The following NCKAP5 variants were observed in gnomAD, a reference collection of about 807,000 sequenced individuals.
The protein encoded by NCKAP5 is NCK associated protein 5, also known as nck-associated protein 5.
NCKAP5 carries 92 observed loss-of-function variants against 167.0 expected under a neutral mutation model. That is an observed-to-expected ratio of 0.55 (90% confidence interval 0.47 to 0.66). NCKAP5 has a LOEUF of 0.66. Ranked by LOEUF, NCKAP5 falls within the 30% of genes least tolerant of loss-of-function variation. The pLI is 0.00. For missense variants in NCKAP5, 2,378 were observed against 2,315.0 expected (o/e 1.03, Z -0.56); for synonymous variants, 891 against 877.4 (o/e 1.02, Z -0.27).
intron 6 of NCKAP5, among the ~76,000 whole-genome samples, chr2:133,020,688 C>T (rs2078495227): frequency 6.6e-6 from 1 of 152,164 alleles, no homozygotes. Context: ...AGAACTTGTT[C>T]AAAATAAATA....
chr2:132,790,212 A>G lies in NCKAP5; in HGVS notation c.910-7T>C. On this transcript the variant is annotated splice_region_variant and splice_polypyrimidine_tract_variant and intron_variant, in intron 12 of 19. Transcript: ENST00000409261. ...TTGTATTTAGTTGGTGTTCCTGAAA[A>G]AGCAGGACAGCTCTGAGCAAGGGCT... The G allele has an allele frequency of 6.2e-7, 1 of 1,608,878 alleles. No individual in the cohort carries two copies. The highest frequency in any genetic ancestry group is 8.5e-7 in the Non-Finnish European group (1 of 1,177,546).
chr2:133,074,651 C>A (rs2080536353), intron 6 of NCKAP5, among the ~76,000 whole-genome samples: 1 of 152,144 alleles, frequency 6.6e-6, no homozygotes, highest in Admixed American at 6.5e-5. Flanking sequence ...TGTGAGCCAC[C>A]ATGCCTGACC....
intron 6 of NCKAP5, among the ~76,000 whole-genome samples, chr2:133,012,617 A>G (rs567965046): frequency 6.6e-6 from 1 of 152,154 alleles, no homozygotes; most frequent in Admixed American, 6.5e-5. Context: ...ATGTGCCTGC[A>G]CTGGCCACCC....
Position 133,471,152 on chromosome 2 carries a change from G to C in NCKAP5, c.69+46306C>G, listed in dbSNP as rs566618974. ...TAAAAACAGTTCAGCTCAATTGTCA[G>C]CTCTTTAATTTTTTTTTCAAAGGTT... On this transcript the variant is annotated intron_variant, in intron 3 of 19. Coordinates refer to ENST00000409261, the MANE Select transcript of NCKAP5 (RefSeq NM_207363.3). 7.2e-5 allele frequency among the ~76,000 whole-genome samples: 11 copies of C among 152,224 alleles called. No individual in the cohort carries two copies. The South Asian group carries it at 1.9e-3, about 26-fold the overall frequency.
At chr2:133,595,860 T>C in the NCKAP5 span, among the ~76,000 whole-genome samples, 2 of 152,184 alleles carry the variant, frequency 1.3e-5, no homozygotes, top group Non-Finnish European at 2.9e-5. Context: ...GAGTTGTACA[T>C]AATTTTCATG....
chr2:133,121,870 T>C (rs1227172323), intron 6 of NCKAP5: 2 of 152,230 alleles, frequency 1.3e-5, no homozygotes, highest in East Asian at 1.9e-4. Context: ...AATAGTAGTA[T>C]ATCTACATAA....
intron 8 of NCKAP5, among the ~76,000 whole-genome samples, chr2:132,920,797 A>G (rs181148323): frequency 0.035 from 3,608 of 102,220 alleles, 666 homozygotes; most frequent in East Asian, 0.23. Flanking sequence ...ATATATATAT[A>G]TATATATATA....
At chr2:132,746,600 A>T (rs779057541) in intron 16 of NCKAP5, among the ~76,000 whole-genome samples, 7 of 152,160 alleles carry the variant, frequency 4.6e-5, no homozygotes, top group Non-Finnish European at 1.0e-4. Flanking sequence ...CGCAAGCAAC[A>T]TATACCCATC....
intron 6 of NCKAP5, among the ~76,000 whole-genome samples, chr2:133,006,479 G>C (rs2077971351): frequency 1.3e-5 from 2 of 152,152 alleles, no homozygotes; most frequent in Non-Finnish European, 2.9e-5. Context: ...CATGCTGTCT[G>C]TCATGTTTCA....
At chr2:132,992,551 T>C (rs1269587894) in intron 7 of NCKAP5, among the ~76,000 whole-genome samples, 2 of 152,314 alleles carry the variant, frequency 1.3e-5, no homozygotes, top group African/African-American at 4.8e-5. Flanking sequence ...ACTTCACAGA[T>C]TCATATGACC....
intron 3 of NCKAP5, among the ~76,000 whole-genome samples, chr2:133,469,794 T>C (rs1355268059): frequency 2.0e-5 from 3 of 151,924 alleles, no homozygotes; most frequent in African/African-American, 7.3e-5. Context: ...TTCTTCCAGT[T>C]GATCGCATCG....
At chr2:132,744,700 C>G (rs941124836) in intron 16 of NCKAP5, among the ~76,000 whole-genome samples, 4 of 150,212 alleles carry the variant, frequency 2.7e-5, no homozygotes, top group Non-Finnish European at 5.9e-5. Flanking sequence ...ACTGATCCAA[C>G]TGACAAACCT....
intron 19 of NCKAP5, among the ~76,000 whole-genome samples, chr2:132,708,301 G>T (rs1292793897): frequency 6.6e-6 from 1 of 152,088 alleles, no homozygotes; most frequent in African/African-American, 2.4e-5. Context: ...GCCATTTCTG[G>T]ACCTGCCCTG....
At chr2:132,717,387 A>G (rs973591118) in intron 19 of NCKAP5, among the ~76,000 whole-genome samples, 3 of 152,186 alleles carry the variant, frequency 2.0e-5, no homozygotes, top group Admixed American at 6.5e-5. Context: ...GTTGAACCCA[A>G]TGCTGATTTT....
At chr2:132,768,664 G>C (rs969278126) in intron 16 of NCKAP5, among the ~76,000 whole-genome samples, 6 of 144,420 alleles carry the variant, frequency 4.2e-5, no homozygotes, top group African/African-American at 1.5e-4. Flanking sequence ...TTTTGAGACG[G>C]AGTCTCGCTC....
intron 8 of NCKAP5, among the ~76,000 whole-genome samples, chr2:132,924,845 G>GA (rs1558948348): frequency 6.6e-6 from 1 of 151,420 alleles, no homozygotes; most frequent in African/African-American, 2.4e-5. Flanking sequence ...GAATTGACGT[G>GA]AAAAAAATAC....
chr2:132,942,798 G>A (rs16843961), intron 8 of NCKAP5, among the ~76,000 whole-genome samples: 9,515 of 152,228 alleles, frequency 0.063, 765 homozygotes, highest in Admixed American at 0.23. Flanking sequence ...GATTAGCAAA[G>A]TTCACCAGGC....
At chr2:133,267,975 T>A (rs902986780) in intron 4 of NCKAP5, among the ~76,000 whole-genome samples, 7 of 152,344 alleles carry the variant, frequency 4.6e-5, no homozygotes, top group Middle Eastern at 3.4e-3. Flanking sequence ...TATGTCTAGT[T>A]TTATACATTC....
At chr2:133,118,011 C>T (rs1387798429) in intron 6 of NCKAP5, 1 of 152,210 alleles carries the variant, frequency 6.6e-6, no homozygotes, top group Non-Finnish European at 1.5e-5. Flanking sequence ...ATTCTGTTCT[C>T]TGAACCTAAA....
Sources: gnomAD v4.1 joint callset for allele counts (sites outside exome capture counted in the v4.1 genomes callset) on GRCh38, gnomAD v4.1.1 for gene constraint, MANE v1.5 for transcripts, NCBI Gene and HGNC (gene_info 2026-07-23, HGNC 2026-07-21) for gene names.